ETFA: variants seen among roughly 807,000 people sequenced by gnomAD.
ETFA encodes electron transfer flavoprotein subunit alpha, also known as electron transfer flavoprotein subunit alpha, mitochondrial.
In ETFA, 22 loss-of-function variants were observed where a neutral mutation model predicts 46.2. That is an observed-to-expected ratio of 0.48 (90% confidence interval 0.34 to 0.68). ETFA has a LOEUF of 0.68. Ranked by LOEUF, ETFA falls within the 30% of genes least tolerant of loss-of-function variation. The pLI is 0.01. For missense variants in ETFA, 345 were observed against 401.1 expected, an observed-to-expected ratio of 0.86 and a Z score of 1.19; for synonymous variants, 131 against 139.9, an observed-to-expected ratio of 0.94 and a Z score of 0.45.
At chr15:76,296,310 TTTAA>T (rs1336168655) in intron 1 of ETFA, among the ~76,000 whole-genome samples, 1 of 152,128 alleles carries the variant, frequency 6.6e-6, no homozygotes, top group African/African-American at 2.4e-5. Context: ...AGGAAAAATG[TTTAA>T]TTACTTCAAA....
chr15:76,268,837 T>C (rs185820197), intron 9 of ETFA, among the ~76,000 whole-genome samples: 13 of 152,378 alleles, frequency 8.5e-5, no homozygotes, highest in Admixed American at 8.5e-4. Flanking sequence ...TGCAATTGCC[T>C]TGCTCAATTA....
At chr15:76,244,497 G>A (rs1036562257) in intron 9 of ETFA, among the ~76,000 whole-genome samples, 9 of 152,050 alleles carry the variant, frequency 5.9e-5, no homozygotes, top group African/African-American at 1.7e-4. Context: ...ACACCTCAGT[G>A]CTTGTATCTT....
intron 9 of ETFA, chr15:76,261,659 C>T (rs1321161365): frequency 8.0e-6 from 3 of 376,286 alleles, no homozygotes; most frequent in African/African-American, 4.2e-5. Flanking sequence ...CAGCAGGAGC[C>T]CCAGCCGCCC....
chr15:76,244,519 T>C (rs1034615846), intron 9 of ETFA, among the ~76,000 whole-genome samples: 1 of 152,190 alleles, frequency 6.6e-6, no homozygotes, highest in African/African-American at 2.4e-5. Context: ...GGCCTTGAGG[T>C]GAACACAGTA....
intron 10 of ETFA, chr15:76,228,213 G>A (rs1212673882): frequency 2.0e-5 from 7 of 352,388 alleles, no homozygotes; most frequent in East Asian, 7.5e-5. Flanking sequence ...TTGAGACAGG[G>A]TCTCATTGTG....
chr15:76,291,451 A>AG (rs1181597383), intron 4 of ETFA, among the ~76,000 whole-genome samples: 1 of 148,814 alleles, frequency 6.7e-6, no homozygotes, highest in East Asian at 2.0e-4. Flanking sequence ...ATCTCGAAAA[A>AG]AAAAAAAAAA....
At chr15:76,222,332 T>A (rs371083662) in intron 11 of ETFA, among the ~76,000 whole-genome samples, 2 of 149,830 alleles carry the variant, frequency 1.3e-5, no homozygotes, top group African/African-American at 2.4e-5. Context: ...TTGTATTTTT[T>A]ATTTTTTAAT....
chr15:76,277,013 G>A (rs1255836041), intron 8 of ETFA, among the ~76,000 whole-genome samples: 1 of 152,158 alleles, frequency 6.6e-6, no homozygotes, highest in Non-Finnish European at 1.5e-5. Context: ...CCAACATGAT[G>A]TACACGGGTA....
intron 6 of ETFA, 103 bp from the exon 7 acceptor site, chr15:76,285,841 A>G (rs2039700417): frequency 1.3e-6 from 1 of 792,624 alleles, no homozygotes; most frequent in Admixed American, 1.9e-5. Flanking sequence ...CACGAAATTT[A>G]AGTTAATTAC....
At chr15:76,283,850 AAATT>A (rs772594656) in intron 7 of ETFA, 25 bp from the exon 8 acceptor site, 119 of 1,554,858 alleles carry the variant, frequency 7.7e-5, no homozygotes, top group South Asian at 4.2e-4. Context: ...TGAAAAAAAA[AAATT>A]AGGCAAACAT....
intron 11 of ETFA, among the ~76,000 whole-genome samples, chr15:76,217,929 G>C (rs2142102185): frequency 1.3e-5 from 2 of 152,316 alleles, no homozygotes; most frequent in Middle Eastern, 6.8e-3. Context: ...ACTGTCTCCA[G>C]CCTATTAAAA....
intron 8 of ETFA, among the ~76,000 whole-genome samples, chr15:76,277,699 C>T (rs552566856): frequency 6.6e-6 from 1 of 152,224 alleles, no homozygotes; most frequent in Non-Finnish European, 1.5e-5. Context: ...GATGGGGTTT[C>T]GCCAAGTTGG....
At chr15:76,290,335 T>TA (rs1179624447) in intron 4 of ETFA, among the ~76,000 whole-genome samples, 1 of 134,874 alleles carries the variant, frequency 7.4e-6, no homozygotes, top group East Asian at 2.0e-4. Flanking sequence ...TCGCTACTCT[T>TA]TTTTTTTTTT....
intron 8 of ETFA, among the ~76,000 whole-genome samples, chr15:76,281,865 C>T (rs1367299603): frequency 7.0e-6 from 1 of 143,020 alleles, no homozygotes; most frequent in Admixed American, 7.0e-5. Context: ...CCTGGATTAT[C>T]TACATGGGCC....
Position 76,303,059 on chromosome 15 carries a change from C to T in ETFA, c.40-7322G>A, listed in dbSNP as rs563696194. ...GTGGCTCACACCTGCAATCCCAGCA[C>T]TTTGAGAGGCCGAGGCGAGTGGATC... On this transcript the variant is annotated intron_variant, in intron 1 of 11. Transcript: ENST00000557943. Among the ~76,000 whole-genome samples, 4 of 152,264 alleles carry T rather than the reference C, an allele frequency of 2.6e-5. No individual in the cohort carries two copies. The South Asian group carries it at 8.3e-4, about 32-fold the overall frequency.
At chr15:76,297,599 T>G (rs2039838221) in intron 1 of ETFA, among the ~76,000 whole-genome samples, 1 of 152,054 alleles carries the variant, frequency 6.6e-6, no homozygotes, top group African/African-American at 2.4e-5. Context: ...TAAATTATAG[T>G]TCTATCATAA....
chr15:76,241,801 CAAAAAAAAAAA>C (rs1165964434), intron 9 of ETFA, among the ~76,000 whole-genome samples: 1 of 30,572 alleles, frequency 3.3e-5, no homozygotes, highest in East Asian at 1.3e-3. Flanking sequence ...GACTCCATCT[CAAAAAAAAAAA>C]AAAAAAAAAA....
At position 76,225,363 on chromosome 15, in the gene ETFA, A is replaced by G. The variant is rs375913091; in HGVS notation, c.963+486T>C. Among the ~76,000 whole-genome samples the G allele has an allele frequency of 2.8e-3, 419 of 152,228 alleles. 1 individual carries two copies. The highest frequency in any genetic ancestry group is 9.5e-3 in the African/African-American group (395 of 41,550). On this transcript the variant is annotated intron_variant, in intron 11 of 11. Transcript: ENST00000557943. ...GAGTGTAGTGGCACGATCTCTGCTC[A>G]CTGCAAGCTCCGCCTCCTGGGTTCA...
intron 9 of ETFA, among the ~76,000 whole-genome samples, chr15:76,249,625 TA>T (rs1435169547): frequency 6.6e-6 from 1 of 150,930 alleles, no homozygotes; most frequent in Non-Finnish European, 1.5e-5. Context: ...GTATTTTTAG[TA>T]GAGACGGGGT....
Sources: allele counts gnomAD v4.1 joint callset (sites outside exome capture counted in the v4.1 genomes callset), GRCh38; gene constraint gnomAD v4.1.1; transcripts MANE v1.5; gene names NCBI Gene and HGNC (gene_info 2026-07-23, HGNC 2026-07-21).